Variants in ZFAND2A observed in about 807,000 individuals in gnomAD.
ZFAND2A encodes zinc finger AN1-type containing 2A, also known as AN1-type zinc finger protein 2A.
ZFAND2A carries 20 observed loss-of-function variants against 11.6 expected under a neutral mutation model. That is an observed-to-expected ratio of 1.72 (90% CI 1.21 to 2.50). The LOEUF (loss-of-function observed/expected upper bound fraction) is 2.50. ZFAND2A is among the 30% of genes most tolerant of loss of function. ZFAND2A has a pLI of 0.00. For synonymous variants in ZFAND2A, 93 were observed against 60.6 expected, an observed-to-expected ratio of 1.54 and a Z score of -2.48; for missense variants, 234 against 182.9, an observed-to-expected ratio of 1.28 and a Z score of -1.61.
chr7:1,155,357 A>T (rs772786320), intron 4 of ZFAND2A, 96 bp downstream of exon 4: 1 of 1,523,960 alleles, frequency 6.6e-7, no homozygotes, highest in Non-Finnish European at 8.8e-7. Flanking sequence ...CTTTGTACAT[A>T]AACTATTGGG....
In ZFAND2A at chr7:1,153,091, C is replaced by A; in HGVS notation, c.416G>T (p.Arg139Leu). 1 of 1,614,112 alleles carries A rather than the reference C, an allele frequency of 6.2e-7. No individual in the cohort carries two copies. Among genetic ancestry groups the A allele is most frequent in the Admixed American group, 1.7e-5 (1 of 60,018 alleles). The change falls in exon 5 of 5, where the codon CGC becomes CTC. Residue 139 changes from arginine (R) to leucine (L), a missense_variant. Coordinates refer to ENST00000316495, the MANE Select transcript of ZFAND2A (RefSeq NM_182491.4). ...TTCTCACCCAGCTTTGATGGTGGGG[C>A]GACTCCCGTGTCTGCAGCTGTGGTC... Reference protein sequence around the residue: ...PLDHSCRHGSRPTIKAG With the variant: ...PLDHSCRHGSLPTIKAG
chr7:1,153,685 C>T (rs1563159828), intron 4 of ZFAND2A, among the ~76,000 whole-genome samples: 1 of 152,346 alleles, frequency 6.6e-6, no homozygotes, highest in East Asian at 1.9e-4. Flanking sequence ...TGGCTCACGC[C>T]TGTCATCCCA....
rs201850008 is a variant in ZFAND2A, at chr7:1,153,953, G to GA, written c.283-730dup. Among the ~76,000 whole-genome samples, 630 of 146,578 alleles carry GA rather than the reference G, an allele frequency of 4.3e-3. 2 individuals are homozygous for GA. Among genetic ancestry groups the GA allele is most frequent in the African/African-American group, 9.1e-3 (365 of 40,178 alleles). On this transcript the variant is annotated intron_variant, in intron 4 of 4. Coordinates refer to ENST00000316495, the MANE Select transcript of ZFAND2A (RefSeq NM_182491.4). Reference sequence around the variant, plus strand: ...AAGAGTTCGTCCCTTTAAAAAGAAAGAAAAAAAAAAGCCGGTCAGCATTGA... The same window carrying GA: ...AAGAGTTCGTCCCTTTAAAAAGAAAGAAAAAAAAAAAGCCGGTCAGCATTGA...
intron 3 of ZFAND2A, chr7:1,156,882 C>T (rs1369907026): frequency 6.6e-6 from 1 of 152,386 alleles, no homozygotes; most frequent in Non-Finnish European, 1.5e-5. Context: ...GGCAGTCTGG[C>T]TTAGTCATCC....
intron 3 of ZFAND2A, 50 bp downstream of exon 3, chr7:1,157,606 G>A (rs752934045): frequency 3.8e-5 from 58 of 1,518,490 alleles, no homozygotes; most frequent in Non-Finnish European, 4.6e-5. Flanking sequence ...GCAAGACAGT[G>A]CAGCTTCAGA....
intron 4 of ZFAND2A, among the ~76,000 whole-genome samples, chr7:1,153,524 G>A (rs552139964): frequency 3.3e-5 from 5 of 151,128 alleles, no homozygotes; most frequent in South Asian, 2.1e-4. Context: ...TTACCTGTGT[G>A]AGCCACTGTG....
At chr7:1,150,416 A>T (rs1162908837), downstream of ZFAND2A, among the ~76,000 whole-genome samples, 3 of 152,054 alleles carry the variant, frequency 2.0e-5, no homozygotes, top group Non-Finnish European at 4.4e-5. Flanking sequence ...TCAGAACAGG[A>T]CAGAACTTGG....
chr7:1,155,521 G>C lies in ZFAND2A; in HGVS notation c.214C>G (p.Pro72Ala). The C allele has an allele frequency of 1.2e-6, 2 of 1,613,958 alleles. No homozygotes were observed. The highest frequency in any genetic ancestry group is 2.2e-5 in the South Asian group (2 of 91,066). ...ATGTGATCACCAACCACCACGTCTG[G>C]TATCTGGCCCTTTTTTACTGGGATG... ...TPIPVKKGQIPDVVVGDHIDR... is the reference protein window; with the variant it reads ...TPIPVKKGQIADVVVGDHIDR... Residue 72 changes from proline to alanine, a missense_variant, in exon 4 of 5, where the codon CCA (proline) becomes GCA (alanine). Transcript: ENST00000316495.
At chr7:1,154,716 T>C (rs1228223756) in intron 4 of ZFAND2A, among the ~76,000 whole-genome samples, 1 of 152,228 alleles carries the variant, frequency 6.6e-6, no homozygotes, top group Non-Finnish European at 1.5e-5. Context: ...ATTTGGTTTA[T>C]GGTAATATAA....
Position 1,154,999 on chromosome 7 carries a change from T to A in ZFAND2A, c.282+454A>T, listed in dbSNP as rs180945882. Among the ~76,000 whole-genome samples, 51 of 152,268 alleles carry A rather than the reference T, an allele frequency of 3.3e-4. No individual in the cohort carries two copies. The East Asian group carries it at 9.7e-3, about 29-fold the overall frequency. On this transcript the variant is annotated intron_variant, in intron 4 of 4. Transcript: ENST00000316495. ...TGGATGTGGTGGCATGCGCCTGTAG[T>A]CCCAGCTACTCGGGAGGCTGAGACA...
chr7:1,151,762 T>TAAAAAAAAAAAAAA (rs530920394), downstream of ZFAND2A, among the ~76,000 whole-genome samples: 71 of 87,134 alleles, frequency 8.1e-4, 1 homozygote, highest in South Asian at 1.4e-3. Context: ...TCATCCCTTT[T>TAAAAAAAAAAAAAA]AAAAAAAAAA....
Position 1,156,803 on chromosome 7 carries a change from T to C in ZFAND2A, c.150+853A>G, listed in dbSNP as rs145176012. On this transcript the variant is annotated intron_variant, in intron 3 of 4. Coordinates refer to ENST00000316495, the MANE Select transcript of ZFAND2A (RefSeq NM_182491.4). ...TCATTTGGTCAAATGAAATAAAGTA[T>C]TAGTAAACGGTCTCCAGCCAGACCC... Among the ~76,000 whole-genome samples, 6 of 152,286 alleles carry C rather than the reference T, an allele frequency of 3.9e-5. No homozygotes were observed. In the East Asian group the frequency reaches 9.6e-4, roughly 24 times the overall value.
At chr7:1,154,202 T>C (rs1312015326) in intron 4 of ZFAND2A, among the ~76,000 whole-genome samples, 1 of 148,808 alleles carries the variant, frequency 6.7e-6, no homozygotes, top group Non-Finnish European at 1.5e-5. Flanking sequence ...TTTTTTTTTT[T>C]TGGTGCCAGG....
rs374801648 is a variant in ZFAND2A, at chr7:1,157,681, T to A, written c.125A>T (p.His42Leu). ...FCKDHFPYAAHKCPFAFQKDV... is the reference protein window; with the variant it reads ...FCKDHFPYAALKCPFAFQKDV... ...CTTCTGGAATGCAAACGGACACTTA[T>A]GTGCAGCGTATGGAAAATGATCTTT... is the stretch of plus-strand genomic sequence containing the variant. The change falls in exon 3 of 5, where the codon CAT becomes CTT. Residue 42 changes from histidine (H) to leucine (L), a missense_variant. Coordinates refer to ENST00000316495, the MANE Select transcript of ZFAND2A (RefSeq NM_182491.4). 2 of 1,573,730 alleles carry A rather than the reference T, an allele frequency of 1.3e-6. No homozygotes were observed. The highest frequency in any genetic ancestry group is 1.4e-5 in the African/African-American group (1 of 72,728).
chr7:1,157,721 T>TA lies in ZFAND2A; in HGVS notation c.84dup (p.Lys29Ter). ...AAATGATCTTTACAGAAATCTTGTT[T>TA]ACATGCATCACATTTTACTGGAAGA... On this transcript the variant is annotated frameshift_variant, in exon 3 of 5. Transcript: ENST00000316495. LOFTEE classifies it high-confidence loss of function. 1 of 1,561,826 alleles carries TA rather than the reference T, an allele frequency of 6.4e-7. No homozygotes were observed. Among genetic ancestry groups the TA allele is most frequent in the Non-Finnish European group, 8.6e-7 (1 of 1,157,798 alleles).
chr7:1,150,102 A>G (rs1215103682), downstream of ZFAND2A, among the ~76,000 whole-genome samples: 1 of 151,948 alleles, frequency 6.6e-6, no homozygotes, highest in Non-Finnish European at 1.5e-5. Flanking sequence ...AATGTACCCC[A>G]TCAATATGTA....
chr7:1,150,065 C>T (rs548278189), downstream of ZFAND2A, among the ~76,000 whole-genome samples: 1 of 151,842 alleles, frequency 6.6e-6, no homozygotes, highest in Non-Finnish European at 1.5e-5. Context: ...GTTGGCCAGG[C>T]TGGTCTCAAA....
chr7:1,154,057 G>A (rs1046144743), intron 4 of ZFAND2A, among the ~76,000 whole-genome samples: 2 of 152,140 alleles, frequency 1.3e-5, no homozygotes, highest in Non-Finnish European at 2.9e-5. Context: ...AGCAGGGAGC[G>A]GGAGGGAAGG....
chr7:1,158,163 T>A lies in ZFAND2A; in HGVS notation c.50A>T (p.Gln17Leu). The A allele has an allele frequency of 6.2e-7, 1 of 1,614,158 alleles. No homozygotes were observed. Among genetic ancestry groups the A allele is most frequent in the Non-Finnish European group, 8.5e-7 (1 of 1,180,002 alleles). Residue 17 changes from glutamine to leucine, a missense_variant, in exon 2 of 5, where the codon CAG (glutamine) becomes CTG (leucine). Coordinates refer to ENST00000316495, the MANE Select transcript of ZFAND2A (RefSeq NM_182491.4). ...AGTCTCTTAAAAGTACTCACCTAGCTGCTTGCAAGTCTTTTCTGAACAATG... is the reference window on the plus strand; with the variant it reads ...AGTCTCTTAAAAGTACTCACCTAGCAGCTTGCAAGTCTTTTCTGAACAATG... The part of the protein sequence containing the change: ...GKHCSEKTCK[Q>L]LDFLPVKCDA...
Sources: gnomAD v4.1 joint callset for allele counts (sites outside exome capture counted in the v4.1 genomes callset) on GRCh38, gnomAD v4.1.1 for gene constraint, MANE v1.5 for transcripts, NCBI Gene and HGNC (gene_info 2026-07-23, HGNC 2026-07-21) for gene names.